The following DDX46 variants were observed in gnomAD, a reference collection of about 807,000 sequenced individuals.
The protein encoded by DDX46 is probable ATP-dependent RNA helicase DDX46.
In DDX46, 30 loss-of-function variants were observed where a neutral mutation model predicts 134.9. That is an observed-to-expected ratio of 0.22 (90% CI 0.17 to 0.30). DDX46 has a LOEUF of 0.30. Among genes scored for constraint, DDX46 ranks in the 10% least tolerant of loss-of-function variants. The pLI is 1.00. For synonymous variants in DDX46, 415 were observed against 404.1 expected, an observed-to-expected ratio of 1.03 and a Z score of -0.32; for missense variants, 622 against 1,248.7, an observed-to-expected ratio of 0.50 and a Z score of 7.56.
chr5:134,788,017 C>G (rs1017482419), intron 11 of DDX46, among the ~76,000 whole-genome samples: 1 of 147,854 alleles, frequency 6.8e-6, no homozygotes, highest in Non-Finnish European at 1.5e-5. Flanking sequence ...CAGAGTGAGA[C>G]CCTGTCTCAA....
At chr5:134,783,662 G>A in intron 9 of DDX46, among the ~76,000 whole-genome samples, 1 of 136,496 alleles carries the variant, frequency 7.3e-6, no homozygotes, top group East Asian at 2.3e-4. Flanking sequence ...TGATACTTTT[G>A]CCTCAGCCTC....
chr5:134,812,272 C>T (rs1258020022), intron 18 of DDX46, among the ~76,000 whole-genome samples: 1 of 151,750 alleles, frequency 6.6e-6, no homozygotes, highest in Non-Finnish European at 1.5e-5. Flanking sequence ...ACCTTCTTGC[C>T]CAGGCTGGTC....
intron 15 of DDX46, among the ~76,000 whole-genome samples, chr5:134,800,247 C>T (rs1244820771): frequency 2.0e-5 from 3 of 152,074 alleles, no homozygotes; most frequent in Admixed American, 2.0e-4. Context: ...TGCACCTGGC[C>T]TGAGTTAAGT....
At chr5:134,771,240 A>G (rs1191332500) in intron 4 of DDX46, among the ~76,000 whole-genome samples, 3 of 151,662 alleles carry the variant, frequency 2.0e-5, no homozygotes, top group African/African-American at 7.3e-5. Context: ...GACTATAGGC[A>G]TGCGCCACCA....
chr5:134,813,627 T>TG (rs1363779094), intron 18 of DDX46, among the ~76,000 whole-genome samples: 3 of 152,102 alleles, frequency 2.0e-5, no homozygotes, highest in African/African-American at 7.2e-5. Flanking sequence ...GGGTTTTTTT[T>TG]GTCTTGTTTT....
intron 15 of DDX46, among the ~76,000 whole-genome samples, chr5:134,805,562 C>T (rs1754961086): frequency 6.9e-6 from 1 of 145,382 alleles, no homozygotes. Flanking sequence ...GAGTTTTACT[C>T]TTGTTATCCA....
At chr5:134,813,768 C>G (rs901949620) in intron 18 of DDX46, among the ~76,000 whole-genome samples, 1 of 151,982 alleles carries the variant, frequency 6.6e-6, no homozygotes, top group Non-Finnish European at 1.5e-5. Flanking sequence ...GGTGCACCAC[C>G]ATGCCCTGTT....
chr5:134,804,143 G>C (rs1754915164), intron 15 of DDX46, among the ~76,000 whole-genome samples: 1 of 151,930 alleles, frequency 6.6e-6, no homozygotes, highest in South Asian at 2.1e-4. Flanking sequence ...ATGTTGCCCA[G>C]GGTGATCTGC....
chr5:134,815,878 C>T (rs1207111017), intron 18 of DDX46, among the ~76,000 whole-genome samples: 1 of 151,980 alleles, frequency 6.6e-6, no homozygotes, highest in African/African-American at 2.4e-5. Context: ...GGTTCAGTTA[C>T]CCAGTTTTTA....
intron 9 of DDX46, among the ~76,000 whole-genome samples, 171 bp downstream of exon 9, chr5:134,783,236 G>T (rs565290621): frequency 4.0e-5 from 6 of 150,324 alleles, no homozygotes; most frequent in South Asian, 2.1e-4. Context: ...TATACAACTG[G>T]TTTTTTTTTG....
intron 18 of DDX46, among the ~76,000 whole-genome samples, chr5:134,812,308 G>A (rs865962917): frequency 2.0e-5 from 3 of 151,802 alleles, no homozygotes; most frequent in Admixed American, 6.6e-5. Flanking sequence ...CAAGTGATCC[G>A]CTTTCCTTGG....
intron 3 of DDX46, 33 bp downstream of exon 3, chr5:134,767,093 A>G (rs537918010): frequency 1.3e-6 from 2 of 1,570,502 alleles, no homozygotes; most frequent in East Asian, 4.6e-5. Flanking sequence ...TCTATAGTGC[A>G]GACTGGGGAC....
Position 134,828,869 on chromosome 5 carries a change from T to C in DDX46, c.*163T>C, listed in dbSNP as rs1755660946. 7 of 421,754 alleles carry C rather than the reference T, an allele frequency of 1.7e-5. No individual in the cohort carries two copies. The highest frequency in any genetic ancestry group is 1.2e-3 in the Middle Eastern group (2 of 1,636). 26.1% of individuals were successfully genotyped at this position (421,754 alleles called of 1,614,324 possible). ...CTTGGTAAAGAAATCTGTCCGTAAG[T>C]ACCCCCACAATCAGTCAAACTATAT... is the stretch of plus-strand genomic sequence containing the variant. On this transcript the variant is annotated 3_prime_UTR_variant, in exon 23 of 23. Transcript: ENST00000452510.
At chr5:134,781,646 C>G (rs571898345) in intron 7 of DDX46, among the ~76,000 whole-genome samples, 74 of 151,980 alleles carry the variant, frequency 4.9e-4, no homozygotes, top group African/African-American at 1.6e-3. Context: ...CTTCTAAAGG[C>G]AAAGAAAAAA....
In DDX46 at chr5:134,790,651, A is replaced by G. The variant is rs747891600; in HGVS notation, c.1626+99A>G. 93 of 1,020,160 alleles carry G rather than the reference A, an allele frequency of 9.1e-5. 1 individual carries two copies. Among genetic ancestry groups the G allele is most frequent in the Non-Finnish European group, 4.0e-5 (27 of 681,038 alleles). 63.2% of individuals were successfully genotyped at this position (1,020,160 alleles called of 1,614,324 possible). On this transcript the variant is annotated intron_variant, in intron 13 of 22. Coordinates refer to ENST00000452510, the MANE Select transcript of DDX46 (RefSeq NM_001300860.2). ...TGTGGTTTCTGAAATTCACACACACACTTTTCTGTTGCACGGTAATACAGA... is the reference window on the plus strand; with the variant it reads ...TGTGGTTTCTGAAATTCACACACACGCTTTTCTGTTGCACGGTAATACAGA...
At chr5:134,766,656 G>C (rs554177240) in intron 2 of DDX46, among the ~76,000 whole-genome samples, 177 of 152,338 alleles carry the variant, frequency 1.2e-3, no homozygotes, top group Admixed American at 2.3e-3. Flanking sequence ...AGAAGGCAGA[G>C]GTTGCAGTGA....
intron 19 of DDX46, chr5:134,817,154 C>T (rs1009269976): frequency 9.5e-6 from 2 of 209,810 alleles, no homozygotes; most frequent in Non-Finnish European, 1.9e-5. Context: ...CATTCAAATT[C>T]GGAGGAGACT....
At chr5:134,772,060 G>A (rs1000448170) in intron 4 of DDX46, among the ~76,000 whole-genome samples, 3 of 151,904 alleles carry the variant, frequency 2.0e-5, no homozygotes, top group Middle Eastern at 3.4e-3. Flanking sequence ...GTAAAACCCC[G>A]TCACTACTAA....
At chr5:134,765,381 TAAA>T (rs751912543) in intron 2 of DDX46, among the ~76,000 whole-genome samples, 6 of 97,286 alleles carry the variant, frequency 6.2e-5, no homozygotes, top group African/African-American at 1.2e-4. Context: ...CCGTCTCTAC[TAAA>T]AAAAAAAAAA....
Sources: allele counts gnomAD v4.1 joint callset (sites outside exome capture counted in the v4.1 genomes callset), GRCh38; gene constraint gnomAD v4.1.1; transcripts MANE v1.5; gene names NCBI Gene and HGNC (gene_info 2026-07-23, HGNC 2026-07-21).